The following NBEA variants were observed in gnomAD, a reference collection of about 807,000 sequenced individuals.
NBEA encodes the protein lysosomal-trafficking regulator 2.
Under a neutral mutation model 343.4 loss-of-function variants are expected in NBEA, and 44 were observed. The ratio of observed to expected loss-of-function variants is 0.13; its 90% CI spans 0.10 to 0.16. The LOEUF (loss-of-function observed/expected upper bound fraction) is 0.16. Ranked by LOEUF, NBEA falls within the 10% of genes least tolerant of loss-of-function variation. The pLI is 1.00. For synonymous variants in NBEA, 1,175 were observed against 1,238.7 expected, an observed-to-expected ratio of 0.95 and a Z score of 1.08; for missense variants, 2,555 against 3,631.3, an observed-to-expected ratio of 0.70 and a Z score of 7.62.
chr13:35,335,887 C>T (rs909189106), intron 36 of NBEA, among the ~76,000 whole-genome samples: 1 of 152,024 alleles, frequency 6.6e-6, no homozygotes, highest in South Asian at 2.1e-4. Context: ...TACATGCATC[C>T]TCTGGACAGA....
At chr13:35,093,512 C>G (rs2065188333) in intron 10 of NBEA, among the ~76,000 whole-genome samples, 1 of 151,860 alleles carries the variant, frequency 6.6e-6, no homozygotes, top group South Asian at 2.1e-4. Flanking sequence ...AATCCTATTT[C>G]TCTTAAATAG....
chr13:35,372,934 A>G (rs759625174), intron 38 of NBEA, among the ~76,000 whole-genome samples: 36 of 152,234 alleles, frequency 2.4e-4, no homozygotes, highest in Non-Finnish European at 3.1e-4. Flanking sequence ...CTTAGGCCTC[A>G]GGGGTATGTG....
At chr13:35,584,310 A>G (rs1183515467) in intron 46 of NBEA, among the ~76,000 whole-genome samples, 1 of 146,842 alleles carries the variant, frequency 6.8e-6, no homozygotes, top group African/African-American at 2.5e-5. Flanking sequence ...AATTGAGTAC[A>G]TACCTTTTTT....
Position 35,654,883 on chromosome 13 carries a change from G to T in NBEA, c.8064G>T (p.Gln2688His). The change falls in exon 54 of 59, where the codon CAG (glutamine) becomes CAT (histidine). Residue 2688 changes from glutamine (Q) to histidine (H), a missense_variant. Transcript: ENST00000379939. Reference sequence around the variant, plus strand: ...ATAATTCAGGTGTAAACAAACGGCAGATCACAGACCTCGTTGACCAGAGTA... The same window carrying T: ...ATAATTCAGGTGTAAACAAACGGCATATCACAGACCTCGTTGACCAGAGTA... ...IANNSGVNKR[Q>H]ITDLVDQSIQ... 1 of 1,574,936 alleles carries T rather than the reference G, an allele frequency of 6.3e-7. No individual in the cohort carries two copies. The highest frequency in any genetic ancestry group is 8.6e-7 in the Non-Finnish European group (1 of 1,166,756).
Position 35,182,356 on chromosome 13 carries a change from A to T in NBEA, c.4663-4A>T, listed in dbSNP as rs1029016138. ...TGTTAAAACTGTCTTTTCATTTTTC[A>T]TAGGATGATAGCAAACAAGCACAGT... On this transcript the variant is annotated splice_polypyrimidine_tract_variant and splice_region_variant and intron_variant, in intron 28 of 58. Transcript: ENST00000379939. The T allele has an allele frequency of 1.3e-6, 2 of 1,591,036 alleles. No individual in the cohort carries two copies. Among genetic ancestry groups the T allele is most frequent in the Non-Finnish European group, 1.7e-6 (2 of 1,172,336 alleles).
At chr13:35,041,499 A>G (rs927006512) in intron 2 of NBEA, among the ~76,000 whole-genome samples, 4 of 152,010 alleles carry the variant, frequency 2.6e-5, no homozygotes, top group African/African-American at 9.7e-5. Context: ...ATACCACAAT[A>G]GGTATTACAG....
chr13:35,283,400 T>TCAAC (rs1258849414), intron 34 of NBEA, among the ~76,000 whole-genome samples: 2 of 152,160 alleles, frequency 1.3e-5, no homozygotes, highest in Non-Finnish European at 2.9e-5. Flanking sequence ...AAGCACTTAG[T>TCAAC]CAACCATTCT....
intron 33 of NBEA, among the ~76,000 whole-genome samples, chr13:35,230,097 A>T (rs2074885869): frequency 6.6e-6 from 1 of 152,142 alleles, no homozygotes; most frequent in Non-Finnish European, 1.5e-5. Flanking sequence ...TACTATTCTA[A>T]TAAATTTTAT....
intron 34 of NBEA, among the ~76,000 whole-genome samples, chr13:35,274,581 T>C (rs1310550879): frequency 6.6e-6 from 1 of 152,194 alleles, no homozygotes; most frequent in African/African-American, 2.4e-5. Context: ...ATTGTCTCTG[T>C]TTGCAGATGA....
At chr13:35,640,065 A>G (rs1389306444) in intron 49 of NBEA, among the ~76,000 whole-genome samples, 1 of 151,908 alleles carries the variant, frequency 6.6e-6, no homozygotes, top group East Asian at 1.9e-4. Context: ...GTTTTTGCCT[A>G]CCACACACCA....
At chr13:35,532,292 C>T (rs1477733832) in intron 41 of NBEA, among the ~76,000 whole-genome samples, 1 of 151,914 alleles carries the variant, frequency 6.6e-6, no homozygotes, top group African/African-American at 2.4e-5. Context: ...TGAAAAGTAC[C>T]TTTCAGGGAA....
At chr13:35,358,771 A>G (rs892636062) in intron 38 of NBEA, among the ~76,000 whole-genome samples, 4 of 152,186 alleles carry the variant, frequency 2.6e-5, no homozygotes, top group African/African-American at 7.2e-5. Flanking sequence ...ATGATAGGAT[A>G]GAAAAGTGCC....
chr13:35,603,202 A>G (rs1369393782), intron 47 of NBEA, among the ~76,000 whole-genome samples: 1 of 152,132 alleles, frequency 6.6e-6, no homozygotes, highest in Admixed American at 6.5e-5. Flanking sequence ...TGTATTCCCC[A>G]GATTTCTAGT....
chr13:35,594,949 A>ACACT (rs2081707847), intron 47 of NBEA, among the ~76,000 whole-genome samples: 1 of 96,362 alleles, frequency 1.0e-5, no homozygotes, highest in African/African-American at 4.3e-5. Context: ...TGACATCATC[A>ACACT]CACACACACA....
At chr13:35,194,704 C>T (rs1273342110) in intron 30 of NBEA, among the ~76,000 whole-genome samples, 1 of 152,020 alleles carries the variant, frequency 6.6e-6, no homozygotes, top group African/African-American at 2.4e-5. Flanking sequence ...ATACACTTTT[C>T]AAGGTTATCG....
At chr13:35,485,741 T>C (rs942096678) in intron 41 of NBEA, among the ~76,000 whole-genome samples, 2 of 152,098 alleles carry the variant, frequency 1.3e-5, no homozygotes, top group Non-Finnish European at 2.9e-5. Flanking sequence ...TTTCTTCAGA[T>C]AGTAACTTAA....
intron 36 of NBEA, among the ~76,000 whole-genome samples, chr13:35,335,819 C>A (rs1418342711): frequency 1.3e-5 from 2 of 152,020 alleles, no homozygotes; most frequent in Non-Finnish European, 2.9e-5. Context: ...TACATAAGGG[C>A]TTTGAAAAGC....
At chr13:35,108,441 A>T (rs959143996) in intron 11 of NBEA, among the ~76,000 whole-genome samples, 1 of 152,106 alleles carries the variant, frequency 6.6e-6, no homozygotes, top group African/African-American at 2.4e-5. Flanking sequence ...GTGCAATTTA[A>T]TATTTTCTAG....
intron 48 of NBEA, among the ~76,000 whole-genome samples, chr13:35,620,511 T>C (rs1232042335): frequency 6.6e-6 from 1 of 152,104 alleles, no homozygotes; most frequent in Non-Finnish European, 1.5e-5. Flanking sequence ...ACAAGAGGAC[T>C]GAGTAGTAGT....
Sources: gnomAD v4.1 joint callset for allele counts (sites outside exome capture counted in the v4.1 genomes callset) on GRCh38, gnomAD v4.1.1 for gene constraint, MANE v1.5 for transcripts, NCBI Gene and HGNC (gene_info 2026-07-23, HGNC 2026-07-21) for gene names.